DUSP29: variants seen among roughly 807,000 people sequenced by gnomAD.
DUSP29 encodes the protein atypical dual-specific protein phosphatase.
Under a neutral mutation model 13.5 loss-of-function variants are expected in DUSP29, and 12 were observed. The observed-to-expected ratio is 0.89, with a 90% CI of 0.57 to 1.44. The LOEUF (loss-of-function observed/expected upper bound fraction) is 1.44. Among genes scored for constraint, DUSP29 ranks in the 40% most tolerant of loss-of-function variants. The pLI is 0.00. For missense variants in DUSP29, 308 were observed against 301.1 expected (o/e 1.02, Z -0.17); for synonymous variants, 134 against 128.7 (o/e 1.04, Z -0.28).
At chr10:75,060,252 A>G (rs969092716) in intron 1 of DUSP29, among the ~76,000 whole-genome samples, 2 of 152,046 alleles carry the variant, frequency 1.3e-5, no homozygotes, top group Admixed American at 6.6e-5. Flanking sequence ...GGCAGATTGC[A>G]TGAGCCCAGG....
intron 2 of DUSP29, among the ~76,000 whole-genome samples, chr10:75,053,147 T>TG (rs1169623841): frequency 6.6e-6 from 1 of 152,142 alleles, no homozygotes; most frequent in African/African-American, 2.4e-5. Flanking sequence ...ACCAAGATGT[T>TG]GGGGTGAGCT....
chr10:75,064,858 A>G (rs1321450758), intron 1 of DUSP29, among the ~76,000 whole-genome samples: 1 of 152,066 alleles, frequency 6.6e-6, no homozygotes, highest in Non-Finnish European at 1.5e-5. Flanking sequence ...TGTCAATACC[A>G]TGGGTGACTT....
intron 2 of DUSP29, among the ~76,000 whole-genome samples, chr10:75,057,180 C>G (rs1229826751): frequency 1.3e-5 from 2 of 151,616 alleles, no homozygotes; most frequent in Non-Finnish European, 2.9e-5. Flanking sequence ...GAAGCTGAGA[C>G]AGAGGATTGC....
intron 1 of DUSP29, among the ~76,000 whole-genome samples, chr10:75,059,778 G>A (rs1847047810): frequency 6.6e-6 from 1 of 152,146 alleles, no homozygotes; most frequent in Non-Finnish European, 1.5e-5. Context: ...ACTTGAAGAA[G>A]CTTCCACTTA....
intron 1 of DUSP29, among the ~76,000 whole-genome samples, chr10:75,070,691 G>A (rs1847310458): frequency 6.6e-6 from 1 of 152,100 alleles, no homozygotes; most frequent in South Asian, 2.1e-4. Flanking sequence ...TAGGGAAGCT[G>A]TGGCGGAGGA....
rs370491392 is a variant in DUSP29 at position 75,037,822 on chromosome 10, C to T, written c.*14G>A. 1.3e-6 allele frequency: 2 copies of T among 1,593,436 alleles called. No homozygotes were observed. Among genetic ancestry groups the T allele is most frequent in the Admixed American group, 1.7e-5 (1 of 59,644 alleles). On this transcript the variant is annotated 3_prime_UTR_variant, in exon 4 of 4. Transcript: ENST00000338487. Reference sequence around the variant, plus strand: ...TCTGTCCCCAAGTGCCTCTGCTGGCCCTGTGAGTCGGGCCTACAGCTCCCT... The same window carrying T: ...TCTGTCCCCAAGTGCCTCTGCTGGCTCTGTGAGTCGGGCCTACAGCTCCCT...
At chr10:75,071,525 A>C (rs1199866555) in intron 1 of DUSP29, among the ~76,000 whole-genome samples, 1 of 152,116 alleles carries the variant, frequency 6.6e-6, no homozygotes, top group African/African-American at 2.4e-5. Context: ...CCAGGTTCCC[A>C]CCCAACCCAG....
chr10:75,046,777 C>A (rs1846716559), intron 2 of DUSP29, among the ~76,000 whole-genome samples: 1 of 152,212 alleles, frequency 6.6e-6, no homozygotes, highest in African/African-American at 2.4e-5. Flanking sequence ...GTACAACAAA[C>A]ATTATGCTTT....
chr10:75,045,139 A>G (rs1846677352), intron 2 of DUSP29, among the ~76,000 whole-genome samples: 1 of 152,194 alleles, frequency 6.6e-6, no homozygotes, highest in Non-Finnish European at 1.5e-5. Context: ...GGCAAATCAC[A>G]TGAGGTCAGG....
intron 1 of DUSP29, among the ~76,000 whole-genome samples, chr10:75,072,179 C>T (rs1246756685): frequency 6.6e-6 from 1 of 152,242 alleles, no homozygotes; most frequent in East Asian, 1.9e-4. Flanking sequence ...AGAAATCCCT[C>T]TGTCCTTGTG....
At chr10:75,043,314 G>C (rs1056705496) in intron 3 of DUSP29, among the ~76,000 whole-genome samples, 1 of 152,212 alleles carries the variant, frequency 6.6e-6, no homozygotes, top group Non-Finnish European at 1.5e-5. Context: ...AAAGCCCTTG[G>C]CTACTAGTTG....
intron 2 of DUSP29, among the ~76,000 whole-genome samples, chr10:75,057,272 C>T (rs1846981790): frequency 6.6e-6 from 1 of 151,284 alleles, no homozygotes. Flanking sequence ...CAGGGTGAGA[C>T]TGTCTCGAAA....
chr10:75,043,736 G>GCGGGGCGAGT (rs1450905523), intron 3 of DUSP29, 61 bp downstream of exon 3: 18 of 1,459,738 alleles, frequency 1.2e-5, no homozygotes, highest in Non-Finnish European at 1.7e-5. Flanking sequence ...TAAGCTACGG[G>GCGGGGCGAGT]CGGGGCGAGT....
At chr10:75,065,039 G>T (rs559722972) in intron 1 of DUSP29, among the ~76,000 whole-genome samples, 13 of 152,202 alleles carry the variant, frequency 8.5e-5, no homozygotes, top group Admixed American at 8.5e-4. Context: ...CCTGGGGCCT[G>T]GCACTGTCAC....
At chr10:75,066,375 C>T (rs578262645) in intron 1 of DUSP29, among the ~76,000 whole-genome samples, 54 of 152,114 alleles carry the variant, frequency 3.5e-4, no homozygotes, top group African/African-American at 1.2e-3. Flanking sequence ...GCCATGTTCT[C>T]GGTGACTCCA....
At chr10:75,046,556 T>C (rs528738493) in intron 2 of DUSP29, among the ~76,000 whole-genome samples, 3 of 152,328 alleles carry the variant, frequency 2.0e-5, no homozygotes, top group East Asian at 1.9e-4. Context: ...ATGAGAACCA[T>C]GATGGTGTCC....
At chr10:75,052,725 T>C (rs931185160) in intron 2 of DUSP29, among the ~76,000 whole-genome samples, 30 of 152,226 alleles carry the variant, frequency 2.0e-4, no homozygotes, top group African/African-American at 6.0e-4. Context: ...GTGTTGAGAT[T>C]ACAGGCGTGA....
intron 1 of DUSP29, among the ~76,000 whole-genome samples, 145 bp from the exon 2 acceptor site, chr10:75,058,693 G>A (rs909451485): frequency 6.6e-6 from 1 of 152,160 alleles, no homozygotes; most frequent in African/African-American, 2.4e-5. Context: ...CCTCTTCCCA[G>A]GCCACACAGG....
rs142174617 is a variant in DUSP29 at position 75,045,969 on chromosome 10, A to T, written c.201-1952T>A. 1.7e-3 allele frequency among the ~76,000 whole-genome samples: 259 copies of T among 152,150 alleles called. 7 individuals are homozygous for T. Among genetic ancestry groups the T allele is most frequent in the Admixed American group, 0.015 (236 of 15,282 alleles). ...CTACAAGATATAAGGGAAAAAAATT[A>T]GCCGGGCATGCTGGCATGTGCCTGT... On this transcript the variant is annotated intron_variant, in intron 2 of 3. Transcript: ENST00000338487.
Sources: gnomAD v4.1 joint callset for allele counts (sites outside exome capture counted in the v4.1 genomes callset) on GRCh38, gnomAD v4.1.1 for gene constraint, MANE v1.5 for transcripts, NCBI Gene and HGNC (gene_info 2026-07-23, HGNC 2026-07-21) for gene names.